Variants in MAP2K4 observed in about 807,000 individuals in gnomAD.
MAP2K4 encodes the protein mitogen-activated protein kinase kinase 4, also known as dual specificity mitogen-activated protein kinase kinase 4.
Under a neutral mutation model 48.5 loss-of-function variants are expected in MAP2K4, and 4 were observed. The ratio of observed to expected loss-of-function variants is 0.08; its 90% CI spans 0.04 to 0.19. MAP2K4 has a LOEUF of 0.19. Among genes scored for constraint, MAP2K4 ranks in the 10% least tolerant of loss-of-function variants. MAP2K4 has a pLI of 1.00. For synonymous variants in MAP2K4, 166 were observed against 173.1 expected, an observed-to-expected ratio of 0.96 and a Z score of 0.32; for missense variants, 258 against 493.3, an observed-to-expected ratio of 0.52 and a Z score of 4.52.
chr17:12,122,961 G>A (rs890741547), intron 7 of MAP2K4, among the ~76,000 whole-genome samples: 5 of 152,024 alleles, frequency 3.3e-5, no homozygotes, highest in Admixed American at 6.5e-5. Flanking sequence ...AGTTAGTATT[G>A]TATTCTTGAG....
intron 2 of MAP2K4, among the ~76,000 whole-genome samples, chr17:12,064,938 C>T (rs112299105): frequency 4.6e-5 from 7 of 152,198 alleles, no homozygotes; most frequent in African/African-American, 1.7e-4. Context: ...AAATGCTGAG[C>T]AGAAGAAGCG....
intron 1 of MAP2K4, among the ~76,000 whole-genome samples, chr17:12,037,338 C>T (rs1969633104): frequency 6.6e-6 from 1 of 152,006 alleles, no homozygotes; most frequent in South Asian, 2.1e-4. Flanking sequence ...GTTTACTGAC[C>T]TGCTAAGAAG....
intron 2 of MAP2K4, among the ~76,000 whole-genome samples, chr17:12,071,037 G>A (rs1405818122): frequency 6.6e-6 from 1 of 152,184 alleles, no homozygotes; most frequent in Non-Finnish European, 1.5e-5. Flanking sequence ...TTGGCTTGTG[G>A]CAGCATAACC....
At chr17:12,048,978 G>A (rs1353883033) in intron 1 of MAP2K4, among the ~76,000 whole-genome samples, 2 of 152,012 alleles carry the variant, frequency 1.3e-5, no homozygotes, top group African/African-American at 4.8e-5. Flanking sequence ...TTTCTTTTGA[G>A]CTTATGAAAT....
chr17:12,074,420 C>T (rs762038863), intron 2 of MAP2K4, among the ~76,000 whole-genome samples: 1 of 152,082 alleles, frequency 6.6e-6, no homozygotes, highest in Non-Finnish European at 1.5e-5. Flanking sequence ...TCAGGTCTTG[C>T]TTTTTAGCTT....
intron 2 of MAP2K4, among the ~76,000 whole-genome samples, chr17:12,060,143 T>C (rs1970402822): frequency 6.6e-6 from 1 of 151,816 alleles, no homozygotes; most frequent in African/African-American, 2.4e-5. Context: ...CTCCAGCCTG[T>C]GTAAGAGTTG....
chr17:12,022,517 G>C (rs985316886), intron 1 of MAP2K4, among the ~76,000 whole-genome samples: 2 of 152,210 alleles, frequency 1.3e-5, no homozygotes, highest in African/African-American at 4.8e-5. Context: ...TCTTGTTCCA[G>C]ATGGGTGACT....
intron 4 of MAP2K4, among the ~76,000 whole-genome samples, chr17:12,107,278 G>C (rs537366305): frequency 6.6e-6 from 1 of 152,056 alleles, no homozygotes; most frequent in South Asian, 2.1e-4. Flanking sequence ...TGCCTGATGG[G>C]ATGACTTGCG....
At chr17:12,125,217 T>TA in intron 7 of MAP2K4, 77 bp from the exon 8 acceptor site, 1 of 1,033,392 alleles carries the variant, frequency 9.7e-7, no homozygotes, top group Non-Finnish European at 1.5e-6. Context: ...TTTGGCTGTC[T>TA]ACCCAGCTGT....
intron 9 of MAP2K4, among the ~76,000 whole-genome samples, chr17:12,138,195 C>A (rs536372910): frequency 6.6e-6 from 1 of 151,742 alleles, no homozygotes; most frequent in Non-Finnish European, 1.5e-5. Flanking sequence ...TGAGCACTTA[C>A]AATTTATAGA....
chr17:12,056,703 CTG>C (rs932055045), intron 2 of MAP2K4, among the ~76,000 whole-genome samples: 1 of 152,024 alleles, frequency 6.6e-6, no homozygotes, highest in African/African-American at 2.4e-5. Flanking sequence ...TCAGAGATAA[CTG>C]TTTTATTACT....
intron 9 of MAP2K4, among the ~76,000 whole-genome samples, chr17:12,129,624 G>T (rs1567674449): frequency 1.3e-5 from 2 of 152,196 alleles, no homozygotes; most frequent in African/African-American, 4.8e-5. Context: ...TTCTCACAAT[G>T]CAATTGCACC....
At chr17:12,039,932 C>T (rs1304523590) in intron 1 of MAP2K4, among the ~76,000 whole-genome samples, 1 of 152,006 alleles carries the variant, frequency 6.6e-6, no homozygotes, top group Non-Finnish European at 1.5e-5. Flanking sequence ...TCCTTCATGC[C>T]CTGTTATTTA....
rs77332459 is a variant in MAP2K4 at position 12,039,095 on chromosome 17, G to A, written c.116-15794G>A. Among the ~76,000 whole-genome samples, 1,352 of 152,256 alleles carry A rather than the reference G, an allele frequency of 8.9e-3. 21 individuals are homozygous for A. Among genetic ancestry groups the A allele is most frequent in the African/African-American group, 0.031 (1,294 of 41,532 alleles). The stretch of plus-strand genomic sequence containing the variant: ...TAGGAACACAGGGGATCTACCACTA[G>A]GGAAAACGATGTTTAGTGAAAACCT... On this transcript the variant is annotated intron_variant, in intron 1 of 10. Coordinates refer to ENST00000353533, the MANE Select transcript of MAP2K4 (RefSeq NM_003010.4).
chr17:12,056,699 A>T (rs1364206179), intron 2 of MAP2K4, among the ~76,000 whole-genome samples: 1 of 152,030 alleles, frequency 6.6e-6, no homozygotes, highest in Non-Finnish European at 1.5e-5. Flanking sequence ...CTGGTCAGAG[A>T]TAACTGTTTT....
chr17:12,069,583 G>C, intron 2 of MAP2K4: 1 of 361,676 alleles, frequency 2.8e-6, no homozygotes, highest in Non-Finnish European at 3.9e-6. Flanking sequence ...ATCAGAATTT[G>C]AAATTTTCTA....
intron 4 of MAP2K4, among the ~76,000 whole-genome samples, chr17:12,096,734 G>A (rs1327463189): frequency 6.6e-6 from 1 of 152,172 alleles, no homozygotes; most frequent in Non-Finnish European, 1.5e-5. Flanking sequence ...GTAGCACTGA[G>A]TAGAAGTATA....
intron 2 of MAP2K4, among the ~76,000 whole-genome samples, chr17:12,073,570 G>T (rs1440042315): frequency 2.0e-5 from 3 of 152,124 alleles, no homozygotes; most frequent in African/African-American, 4.8e-5. Flanking sequence ...GACAAGTAGA[G>T]TGCAGCCCAA....
chr17:12,131,234 C>CTTTTTTTTTTTTTTTTT (rs11307653), intron 9 of MAP2K4, among the ~76,000 whole-genome samples: 1 of 130,938 alleles, frequency 7.6e-6, no homozygotes, highest in Non-Finnish European at 1.6e-5. Flanking sequence ...GGTCACATTT[C>CTTTTTTTTTTTTTTTTT]TTTTTTTTTT....
Sources: allele counts gnomAD v4.1 joint callset (sites outside exome capture counted in the v4.1 genomes callset), GRCh38; gene constraint gnomAD v4.1.1; transcripts MANE v1.5; gene names NCBI Gene and HGNC (gene_info 2026-07-23, HGNC 2026-07-21).